The following IL17RA variants were observed in gnomAD, a reference collection of about 807,000 sequenced individuals.
IL17RA encodes interleukin-17 receptor A.
Under a neutral mutation model 50.4 loss-of-function variants are expected in IL17RA, and 34 were observed. The observed-to-expected ratio is 0.67, with a 90% CI of 0.51 to 0.90. IL17RA has a LOEUF of 0.90. Ranked by LOEUF, IL17RA falls within the 40% of genes least tolerant of loss-of-function variation. IL17RA has a pLI of 0.00. For missense variants in IL17RA, 1,276 were observed against 1,169.8 expected (o/e 1.09, Z -1.32); for synonymous variants, 585 against 510.4 (o/e 1.15, Z -1.97).
chr22:17,112,523 G>A lies in IL17RA; in HGVS notation c.*2703G>A, dbSNP rs189556719. On this transcript the variant is annotated 3_prime_UTR_variant, in exon 13 of 13. Coordinates refer to ENST00000319363, the MANE Select transcript of IL17RA (RefSeq NM_014339.7). Reference sequence around the variant, plus strand: ...CTCTTCTGGACATGACATAGAGAAAGGAGTCATAAATTCTCCAAGGTGTCT... The same window carrying A: ...CTCTTCTGGACATGACATAGAGAAAAGAGTCATAAATTCTCCAAGGTGTCT... 10 of 151,918 alleles carry A rather than the reference G, an allele frequency of 6.6e-5. No individual in the cohort carries two copies. Among genetic ancestry groups the A allele is most frequent in the Admixed American group, 4.6e-4 (7 of 15,246 alleles). The allele number at this position is 151,918 out of a possible 1,614,324, so 9.4% of individuals were successfully genotyped here.
At position 17,085,983 on chromosome 22, in the gene IL17RA, C is replaced by T. The variant is rs188269179; in HGVS notation, c.138+754C>T. ...GGCGCCCTTCCCGCCACTCCCACCC[C>T]CGACTACCACCACCTGGGTCTGGGA... On this transcript the variant is annotated intron_variant, in intron 1 of 12. Transcript: ENST00000319363. 2.3e-3 allele frequency among the ~76,000 whole-genome samples: 348 copies of T among 152,302 alleles called. 1 individual carries two copies. The highest frequency in any genetic ancestry group is 4.2e-3 in the Non-Finnish European group (285 of 68,012).
chr22:17,109,275 C>G lies in IL17RA; in HGVS notation c.2056C>G (p.Leu686Val). 2 of 1,511,742 alleles carry G rather than the reference C, an allele frequency of 1.3e-6. No homozygotes were observed. The highest frequency in any genetic ancestry group is 4.9e-5 in the East Asian group (2 of 40,832). 93.6% of individuals were successfully genotyped at this position (1,511,742 alleles called of 1,614,324 possible). Residue 686 changes from leucine (L) to valine (V), a missense_variant, in exon 13 of 13, where the codon CTG becomes GTG. Transcript: ENST00000319363. ...ALVAAVEPGP[L>V]ADGAAVRLAL... ...GGTGGCCGCGGTGGAGCCTGGGCCC[C>G]TGGCTGACGGTGCCGCAGTCCGGCT...
Position 17,113,460 on chromosome 22 carries a change from G to C in IL17RA, c.*3640G>C, listed in dbSNP as rs1255192697. ...CATCTGCCCGCCTCATCCTCCCAAA[G>C]TGCTGGGATTATAGGCCTGAGCCCA... is the stretch of plus-strand genomic sequence containing the variant. On this transcript the variant is annotated 3_prime_UTR_variant, in exon 13 of 13. Coordinates refer to ENST00000319363, the MANE Select transcript of IL17RA (RefSeq NM_014339.7). 6.6e-6 allele frequency: 1 copy of C among 152,294 alleles called. No individual in the cohort carries two copies. Among genetic ancestry groups the C allele is most frequent in the Non-Finnish European group, 1.5e-5 (1 of 68,094 alleles). 9.4% of individuals were successfully genotyped at this position (152,294 alleles called of 1,614,324 possible).
Position 17,102,216 on chromosome 22 carries a change from G to T in IL17RA, c.676G>T (p.Glu226Ter). Reference protein sequence around the residue: ...QLRVSFTLWNESTHYQILLTS... With the variant: ...QLRVSFTLWN ...GCGTGTGAGCTTCACCCTGTGGAACGAATCTACCCATTACCAGATCCTGCT... is the reference window on the plus strand; with the variant it reads ...GCGTGTGAGCTTCACCCTGTGGAACTAATCTACCCATTACCAGATCCTGCT... Residue 226 changes from glutamate (E) to a stop codon, truncating the protein, a stop_gained, in exon 7 of 13, where the codon GAA (glutamate) becomes TAA (stop). Coordinates refer to ENST00000319363, the MANE Select transcript of IL17RA (RefSeq NM_014339.7). LOFTEE classifies it high-confidence loss of function. The T allele has an allele frequency of 6.2e-7, 1 of 1,614,172 alleles. No individual in the cohort carries two copies. Among genetic ancestry groups the T allele is most frequent in the Non-Finnish European group, 8.5e-7 (1 of 1,180,032 alleles).
intron 8 of IL17RA, 68 bp from the exon 9 acceptor site, chr22:17,104,658 C>T (rs1431612017): frequency 3.8e-5 from 53 of 1,407,100 alleles, no homozygotes; most frequent in Middle Eastern, 2.1e-4. Flanking sequence ...CTCACATTGC[C>T]GCTGCTGGCT....
At chr22:17,086,101 G>C (rs180785585) in intron 1 of IL17RA, among the ~76,000 whole-genome samples, 1 of 152,206 alleles carries the variant, frequency 6.6e-6, no homozygotes, top group Admixed American at 6.5e-5. Flanking sequence ...CCGCCTGCCG[G>C]GTAGTGGCCT....
chr22:17,086,981 AG>A (rs2061330381), intron 1 of IL17RA, among the ~76,000 whole-genome samples: 1 of 152,234 alleles, frequency 6.6e-6, no homozygotes, highest in African/African-American at 2.4e-5. Context: ...CAGGAGCAGA[AG>A]CACGGCCTGG....
At chr22:17,098,438 T>A (rs1397365414) in intron 3 of IL17RA, among the ~76,000 whole-genome samples, 1 of 152,186 alleles carries the variant, frequency 6.6e-6, no homozygotes, top group Non-Finnish European at 1.5e-5. Context: ...CCGCCCTCAG[T>A]GCTCCTGCTG....
intron 1 of IL17RA, among the ~76,000 whole-genome samples, chr22:17,094,316 T>G (rs1183933532): frequency 6.6e-6 from 1 of 152,094 alleles, no homozygotes; most frequent in Non-Finnish European, 1.5e-5. Flanking sequence ...GCTATGCTGC[T>G]GGGGCCAAGT....
chr22:17,096,083 C>T (rs992572350), intron 1 of IL17RA, among the ~76,000 whole-genome samples: 6 of 152,148 alleles, frequency 3.9e-5, no homozygotes, highest in Admixed American at 3.3e-4. Flanking sequence ...TGACTTTCCA[C>T]CCCGGGATGC....
At chr22:17,097,236 T>C (rs1029400866) in intron 2 of IL17RA, 150 bp downstream of exon 2, 4 of 735,020 alleles carry the variant, frequency 5.4e-6, no homozygotes, top group African/African-American at 3.5e-5. Context: ...GAATTGTGGA[T>C]GCGTGCACCT....
intron 1 of IL17RA, chr22:17,093,832 T>A (rs1184001897): frequency 1.3e-5 from 2 of 157,884 alleles, no homozygotes; most frequent in Non-Finnish European, 2.8e-5. Flanking sequence ...ATGGCAAAGT[T>A]CTGGGACTTT....
intron 1 of IL17RA, among the ~76,000 whole-genome samples, chr22:17,085,774 G>GTC (rs2061325318): frequency 6.6e-6 from 1 of 152,142 alleles, no homozygotes; most frequent in Non-Finnish European, 1.5e-5. Context: ...AGCCCACGTC[G>GTC]TCCGTGCGGA....
At position 17,110,055 on chromosome 22, in the gene IL17RA, G is replaced by A. The variant is rs2061434416; in HGVS notation, c.*235G>A. The A allele has an allele frequency of 5.2e-6, 3 of 573,560 alleles. No individual in the cohort carries two copies. The highest frequency in any genetic ancestry group is 9.3e-6 in the Non-Finnish European group (3 of 321,496). 35.5% of individuals were successfully genotyped at this position (573,560 alleles called of 1,614,324 possible). On this transcript the variant is annotated 3_prime_UTR_variant, in exon 13 of 13. Coordinates refer to ENST00000319363, the MANE Select transcript of IL17RA (RefSeq NM_014339.7). ...CACAGCCCGCTCCCAGGAGCTAATG[G>A]TAGAGCGTCCTTGAGGCTCCATTAT...
Position 17,105,964 on chromosome 22 carries a change from G to A in IL17RA, c.1045+10G>A, listed in dbSNP as rs750710772. 1.7e-5 allele frequency: 28 copies of A among 1,610,830 alleles called. No homozygotes were observed. The highest frequency in any genetic ancestry group is 2.1e-5 in the Non-Finnish European group (25 of 1,177,472). On this transcript the variant is annotated intron_variant, in intron 11 of 12. Transcript: ENST00000319363. ...ACCTGGAGGCTAGCTGGTAAGCGCT[G>A]GGGCTCTGGCTGTCCTGGAGTCAGG...
intron 8 of IL17RA, 28 bp downstream of exon 8, chr22:17,103,605 A>G (rs1415782763): frequency 2.9e-5 from 45 of 1,568,382 alleles, no homozygotes; most frequent in Non-Finnish European, 3.8e-5. Flanking sequence ...GGACAGGTGC[A>G]GGGAGCAAAA....
At chr22:17,105,727 T>C in intron 10 of IL17RA, 125 bp downstream of exon 10, 1 of 1,346,520 alleles carries the variant, frequency 7.4e-7, no homozygotes. Context: ...GGGTGGGGGG[T>C]GAGACCATGG....
rs2061457776 is a variant in IL17RA, at chr22:17,114,275, C to T, written c.*4455C>T. 2 of 152,456 alleles carry T rather than the reference C, an allele frequency of 1.3e-5. No individual in the cohort carries two copies. The highest frequency in any genetic ancestry group is 2.1e-4 in the South Asian group (1 of 4,832). 9.4% of individuals were successfully genotyped at this position (152,456 alleles called of 1,614,324 possible). ...CATCCAGGTCCATCTTGCCCTCCACCTCTGCATGGCTCTCCATGCCCCATC... is the reference window on the plus strand; with the variant it reads ...CATCCAGGTCCATCTTGCCCTCCACTTCTGCATGGCTCTCCATGCCCCATC... On this transcript the variant is annotated 3_prime_UTR_variant, in exon 13 of 13. Coordinates refer to ENST00000319363, the MANE Select transcript of IL17RA (RefSeq NM_014339.7).
rs1287364014 is a variant in IL17RA at position 17,109,245 on chromosome 22, G to T, written c.2026G>T (p.Ala676Ser). Residue 676 changes from alanine (A) to serine (S), a missense_variant, in exon 13 of 13, where the codon GCC becomes TCC. Physicochemically the swap from Ala to Ser is moderately conservative, Grantham distance 99. Transcript: ENST00000319363. ...CCTGGTGCTCGCCGCAGAGGAGGGG[G>T]CCCTGGTGGCCGCGGTGGAGCCTGG... Reference protein sequence around the residue: ...HTLVLAAEEGALVAAVEPGPL... With the variant: ...HTLVLAAEEGSLVAAVEPGPL... 2.7e-6 allele frequency: 4 copies of T among 1,490,940 alleles called. No homozygotes were observed. Among genetic ancestry groups the T allele is most frequent in the Non-Finnish European group, 2.7e-6 (3 of 1,126,650 alleles). 92.4% of individuals were successfully genotyped at this position (1,490,940 alleles called of 1,614,324 possible).
Sources: gnomAD v4.1 joint callset for allele counts (sites outside exome capture counted in the v4.1 genomes callset) on GRCh38, gnomAD v4.1.1 for gene constraint, MANE v1.5 for transcripts, NCBI Gene and HGNC (gene_info 2026-07-23, HGNC 2026-07-21) for gene names.